KPNA2: variants seen among roughly 807,000 people sequenced by gnomAD.
The protein encoded by KPNA2 is karyopherin subunit alpha 2.
In KPNA2, 20 loss-of-function variants were observed where a neutral mutation model predicts 53.7. That is an observed-to-expected ratio of 0.37 (90% CI 0.26 to 0.54). The LOEUF is 0.54. KPNA2 is among the 20% of genes least tolerant of loss of function. The pLI is 0.83. For missense variants in KPNA2, 515 were observed against 640.3 expected (o/e 0.80, Z 2.11); for synonymous variants, 238 against 227.5 (o/e 1.05, Z -0.42).
At chr17:68,044,994 C>G (rs1367433814) in intron 9 of KPNA2, among the ~76,000 whole-genome samples, 3 of 151,344 alleles carry the variant, frequency 2.0e-5, no homozygotes, top group Admixed American at 6.6e-5. Context: ...ACTCAGAAGG[C>G]TGAGGCAGGA....
Position 68,042,311 on chromosome 17 carries a change from C to T in KPNA2, c.529C>T (p.His177Tyr), listed in dbSNP as rs1377405916. 6 of 1,614,052 alleles carry T rather than the reference C, an allele frequency of 3.7e-6. No homozygotes were observed. The highest frequency in any genetic ancestry group is 1.3e-5 in the African/African-American group (1 of 74,930). Residue 177 changes from histidine to tyrosine, a missense_variant, in exon 5 of 11, where the codon CAC becomes TAC. His to Tyr is a moderately conservative substitution (Grantham distance 83). Transcript: ENST00000330459. ...FISLLASPHA[H>Y]ISEQAVWALG... ...TTCTCTGTTGGCATCTCCCCATGCTCACATCAGTGAACAAGCTGTCTGGGC... is the reference window on the plus strand; with the variant it reads ...TTCTCTGTTGGCATCTCCCCATGCTTACATCAGTGAACAAGCTGTCTGGGC...
intron 3 of KPNA2, among the ~76,000 whole-genome samples, chr17:68,039,156 TGTTGCCCAGGC>T (rs1235305731): frequency 2.0e-5 from 3 of 152,118 alleles, no homozygotes; most frequent in East Asian, 3.9e-4. Context: ...AACCTTGGTT[TGTTGCCCAGGC>T]TGGAGTGCAG....
intron 2 of KPNA2, 29 bp from the exon 3 acceptor site, chr17:68,037,329 G>C (rs1372661722): frequency 6.2e-7 from 1 of 1,606,244 alleles, no homozygotes; most frequent in East Asian, 2.2e-5. Flanking sequence ...TGGTGTGATA[G>C]GTGAAACGGC....
chr17:68,042,448 T>C (rs941970738), intron 5 of KPNA2, 95 bp downstream of exon 5: 3 of 1,318,084 alleles, frequency 2.3e-6, no homozygotes, highest in East Asian at 2.3e-5. Flanking sequence ...TTGTCAAGTT[T>C]TGAGCTTGCT....
In KPNA2 at chr17:68,042,368, A is replaced by G; in HGVS notation, c.571+15A>G. The G allele has an allele frequency of 6.2e-7, 1 of 1,612,266 alleles. No homozygotes were observed. Among genetic ancestry groups the G allele is most frequent in the Non-Finnish European group, 8.5e-7 (1 of 1,178,664 alleles). ...AAACATTGCAGGTACTTGGACTTGA[A>G]GTTCTTTTGACTGAATGTATCTAAT... is the stretch of plus-strand genomic sequence containing the variant. On this transcript the variant is annotated intron_variant, in intron 5 of 10. Coordinates refer to ENST00000330459, the MANE Select transcript of KPNA2 (RefSeq NM_002266.4).
rs782368168 is a variant in KPNA2 at position 68,043,085 on chromosome 17, T to A, written c.667-15T>A. 1 of 1,609,146 alleles carries A rather than the reference T, an allele frequency of 6.2e-7. No homozygotes were observed. The highest frequency in any genetic ancestry group is 8.5e-7 in the Non-Finnish European group (1 of 1,176,202). On this transcript the variant is annotated splice_polypyrimidine_tract_variant and intron_variant, in intron 6 of 10. Transcript: ENST00000330459. ...AAAAGACAGAACCTCTCATTGCCTA[T>A]TTTTTTTCCCCCAGTGTGGCTACTT... is the stretch of plus-strand genomic sequence containing the variant.
In KPNA2 at chr17:68,037,005, C is replaced by T. The variant is rs539212557; in HGVS notation, c.-23-105C>T. 5 of 782,252 alleles carry T rather than the reference C, an allele frequency of 6.4e-6. No individual in the cohort carries two copies. In the East Asian group the frequency reaches 1.2e-4, roughly 19 times the overall value. 48.5% of individuals were successfully genotyped at this position (782,252 alleles called of 1,614,324 possible). On this transcript the variant is annotated intron_variant, in intron 1 of 10. Coordinates refer to ENST00000330459, the MANE Select transcript of KPNA2 (RefSeq NM_002266.4). ...ACATGATGATCCCCCCTCTAGTATA[C>T]AGGTGTGGATTCAGTAGATGCTTGA...
rs2071235757 is a variant in KPNA2 at position 68,039,961 on chromosome 17, TC to T, written c.214-716del. Among the ~76,000 whole-genome samples the T allele has an allele frequency of 4.6e-5, 7 of 150,712 alleles. No homozygotes were observed. In the South Asian group the frequency reaches 1.5e-3, roughly 32 times the overall value. On this transcript the variant is annotated intron_variant, in intron 3 of 10. Transcript: ENST00000330459. Reference sequence around the variant, plus strand: ...CAGGCATGGTGGCGCATGCCTATAATCTCAGGTACTTGGGAGGCTGAGGCAG... The same window carrying T: ...CAGGCATGGTGGCGCATGCCTATAATTCAGGTACTTGGGAGGCTGAGGCAG...
At chr17:68,040,830 G>GA (rs1367832921) in intron 4 of KPNA2, 64 bp downstream of exon 4, 12 of 1,027,828 alleles carry the variant, frequency 1.2e-5, no homozygotes, top group Non-Finnish European at 1.8e-5. Flanking sequence ...TTTTTTTTGG[G>GA]GGGTGGGGCA....
chr17:68,040,641 CTT>C, intron 3 of KPNA2, 35 bp from the exon 4 acceptor site: 2 of 1,362,222 alleles, frequency 1.5e-6, no homozygotes, highest in Non-Finnish European at 1.0e-6. Flanking sequence ...TGTATTTAAT[CTT>C]AATGATAATG....
rs148427582 is a variant in KPNA2 at position 68,043,320 on chromosome 17, C to A, written c.887C>A (p.Pro296His). 1 of 1,613,968 alleles carries A rather than the reference C, an allele frequency of 6.2e-7. No individual in the cohort carries two copies. The highest frequency in any genetic ancestry group is 1.3e-5 in the African/African-American group (1 of 74,874). Residue 296 changes from proline (P) to histidine (H), a missense_variant, in exon 7 of 11, where the codon CCC becomes CAC. Transcript: ENST00000330459. ...ATGGTGGTGAAAACAGGAGTTGTGC[C>A]CCAACTTGTGAAGCTTCTAGGAGCT... ...IGMVVKTGVVPQLVKLLGASE... is the reference protein window; with the variant it reads ...IGMVVKTGVVHQLVKLLGASE...
intron 4 of KPNA2, among the ~76,000 whole-genome samples, chr17:68,041,364 C>A (rs1434549090): frequency 1.3e-5 from 2 of 152,076 alleles, no homozygotes; most frequent in African/African-American, 2.4e-5. Flanking sequence ...GAGTTTGAGA[C>A]CAGCCTGGGC....
At chr17:68,038,887 G>A (rs1160560244) in intron 3 of KPNA2, among the ~76,000 whole-genome samples, 10 of 151,820 alleles carry the variant, frequency 6.6e-5, no homozygotes, top group East Asian at 1.9e-4. Context: ...TGGTGGCGCC[G>A]GCCTTTAGTC....
chr17:68,046,581 G>A lies in KPNA2; in HGVS notation c.1575G>A (p.Gly525=), dbSNP rs1336537112. 5 of 1,605,338 alleles carry A rather than the reference G, an allele frequency of 3.1e-6. No individual in the cohort carries two copies. The highest frequency in any genetic ancestry group is 1.3e-5 in the African/African-American group (1 of 74,786). The change falls in exon 11 of 11, where the codon GGG becomes GGA. Residue 525 remains glycine (G), a synonymous_variant. Coordinates refer to ENST00000330459, the MANE Select transcript of KPNA2 (RefSeq NM_002266.4). ...YTFQVQDGAP[G]TFNF ...TCCAAGTTCAGGATGGGGCTCCTGGGACCTTTAACTTTTAGATCATGTAGC... is the reference window on the plus strand; with the variant it reads ...TCCAAGTTCAGGATGGGGCTCCTGGAACCTTTAACTTTTAGATCATGTAGC...
intron 5 of KPNA2, 46 bp from the exon 6 acceptor site, chr17:68,042,859 G>C (rs782289403): frequency 7.8e-7 from 1 of 1,274,078 alleles, no homozygotes; most frequent in African/African-American, 1.8e-5. Context: ...GAGAAACTCC[G>C]TCTCAAAAAA....
At position 68,046,478 on chromosome 17, in the gene KPNA2, A is replaced by C. The variant is rs1234841095; in HGVS notation, c.1498-26A>C. 2.1e-6 allele frequency: 3 copies of C among 1,433,552 alleles called. No homozygotes were observed. In the African/African-American group the frequency reaches 4.3e-5, roughly 20 times the overall value. 88.8% of individuals were successfully genotyped at this position (1,433,552 alleles called of 1,614,324 possible). ...TGCTTGGAATACTTATATCATTTTT[A>C]TACTTATTTTTTAATATATTTCCAG... On this transcript the variant is annotated intron_variant, in intron 10 of 10. Coordinates refer to ENST00000330459, the MANE Select transcript of KPNA2 (RefSeq NM_002266.4).
chr17:68,037,161 C>T lies in KPNA2; in HGVS notation c.29C>T (p.Pro10Leu), dbSNP rs1555703862. The T allele has an allele frequency of 3.7e-6, 6 of 1,613,342 alleles. No homozygotes were observed. Among genetic ancestry groups the T allele is most frequent in the East Asian group, 2.2e-5 (1 of 44,860 alleles). MSTNENANT[P>L]AARLHRFKNK... ...TCCACCAACGAGAATGCTAATACACCAGCTGCCCGTCTTCACAGATTCAAG... is the reference window on the plus strand; with the variant it reads ...TCCACCAACGAGAATGCTAATACACTAGCTGCCCGTCTTCACAGATTCAAG... The change falls in exon 2 of 11, where the codon CCA becomes CTA. Residue 10 changes from proline to leucine, a missense_variant. Coordinates refer to ENST00000330459, the MANE Select transcript of KPNA2 (RefSeq NM_002266.4).
Position 68,035,759 on chromosome 17 carries a change from G to C in KPNA2, c.-105G>C, listed in dbSNP as rs1293477473. Reference sequence around the variant, plus strand: ...CACACGGTCTTTGAGCTGAGTCGAGGTGGACCCTTTGAACGCAGTCGCCCT... The same window carrying C: ...CACACGGTCTTTGAGCTGAGTCGAGCTGGACCCTTTGAACGCAGTCGCCCT... On this transcript the variant is annotated 5_prime_UTR_variant, in exon 1 of 11. Coordinates refer to ENST00000330459, the MANE Select transcript of KPNA2 (RefSeq NM_002266.4). The C allele has an allele frequency of 1.3e-5, 2 of 152,330 alleles. No individual in the cohort carries two copies. The highest frequency in any genetic ancestry group is 2.4e-5 in the African/African-American group (1 of 41,434). The allele number at this position is 152,330 out of a possible 1,614,324, so 9.4% of individuals were successfully genotyped here. A position where few individuals can be genotyped will look rare whatever the true frequency, so the allele number is the denominator to read the frequency against.
intron 4 of KPNA2, among the ~76,000 whole-genome samples, chr17:68,041,501 G>T (rs1318627241): frequency 6.6e-6 from 1 of 152,240 alleles, no homozygotes; most frequent in African/African-American, 2.4e-5. Flanking sequence ...GGAGGTTGCA[G>T]TGAGCTGAGA....
Sources: gnomAD v4.1 joint callset for allele counts (sites outside exome capture counted in the v4.1 genomes callset) on GRCh38, gnomAD v4.1.1 for gene constraint, MANE v1.5 for transcripts, NCBI Gene and HGNC (gene_info 2026-07-23, HGNC 2026-07-21) for gene names.